Variants in LVRN observed in about 807,000 individuals in gnomAD.
LVRN encodes laeverin.
Under a neutral mutation model 111.4 loss-of-function variants are expected in LVRN, and 99 were observed. The ratio of observed to expected loss-of-function variants is 0.89; its 90% CI spans 0.76 to 1.05. The LOEUF (loss-of-function observed/expected upper bound fraction) is 1.05. LVRN is among the 50% of genes least tolerant of loss of function. The pLI, the probability that LVRN is intolerant of heterozygous loss-of-function variation, is 0.00. For missense variants in LVRN, 1,414 were observed against 1,206.8 expected (o/e 1.17, Z -2.54); for synonymous variants, 488 against 449.5 (o/e 1.09, Z -1.08).
chr5:115,975,203 C>T (rs543700201), intron 1 of LVRN: 1 of 482,094 alleles, frequency 2.1e-6, no homozygotes, highest in African/African-American at 2.0e-5. Flanking sequence ...GGGCGCACAT[C>T]TAACAAAATC....
chr5:115,991,559 C>G (rs1266222657), intron 4 of LVRN, among the ~76,000 whole-genome samples: 2 of 152,078 alleles, frequency 1.3e-5, no homozygotes, highest in Non-Finnish European at 2.9e-5. Context: ...TGGGTTAATT[C>G]CAAGGAATGT....
intron 5 of LVRN, among the ~76,000 whole-genome samples, chr5:115,993,106 T>G (rs181112704): frequency 6.6e-6 from 1 of 152,298 alleles, no homozygotes; most frequent in African/African-American, 2.4e-5. Context: ...ATTATAGCTG[T>G]TATAAGAATT....
intron 1 of LVRN, among the ~76,000 whole-genome samples, chr5:115,972,401 T>C (rs1753346558): frequency 6.6e-6 from 1 of 151,770 alleles, no homozygotes; most frequent in Non-Finnish European, 1.5e-5. Flanking sequence ...TTTCTAATTG[T>C]TGCTAATTAA....
chr5:116,014,644 C>T, intron 16 of LVRN, 117 bp downstream of exon 16: 1 of 765,516 alleles, frequency 1.3e-6, no homozygotes, highest in Admixed American at 2.5e-5. Flanking sequence ...TAGGCGCTCT[C>T]TCCTACTATT....
At chr5:116,003,193 A>G in intron 11 of LVRN, 48 bp from the exon 12 acceptor site, 1 of 1,486,926 alleles carries the variant, frequency 6.7e-7, no homozygotes, top group South Asian at 1.2e-5. Flanking sequence ...AGGTATTAAG[A>G]TCTTTTTTAA....
intron 1 of LVRN, among the ~76,000 whole-genome samples, chr5:115,973,863 A>G (rs987298625): frequency 6.6e-6 from 1 of 152,068 alleles, no homozygotes; most frequent in African/African-American, 2.4e-5. Flanking sequence ...CAGCTTTCAT[A>G]GGTTTCTTCT....
chr5:116,000,710 A>C (rs1258079780), intron 9 of LVRN, 52 bp downstream of exon 9: 2 of 1,580,236 alleles, frequency 1.3e-6, no homozygotes, highest in African/African-American at 2.7e-5. Context: ...TGTATGATAC[A>C]GGAAAAGACT....
At position 115,964,034 on chromosome 5, in the gene LVRN, C is replaced by T. The variant is rs115936946; in HGVS notation, c.695+722C>T. Among the ~76,000 whole-genome samples the T allele has an allele frequency of 2.7e-3, 409 of 152,366 alleles. 1 individual carries two copies. The highest frequency in any genetic ancestry group is 9.4e-3 in the African/African-American group (392 of 41,592). ...GAAATGCAGACATGTGTTCTTTTTA[C>T]ACTCATTTGAGATAATATCTCCTAC... On this transcript the variant is annotated intron_variant, in intron 1 of 19. Transcript: ENST00000357872.
In LVRN at chr5:116,026,049, A is replaced by G. The variant is rs913447806; in HGVS notation, c.2904A>G (p.Ile968Met). The G allele has an allele frequency of 3.1e-6, 5 of 1,613,834 alleles. No individual in the cohort carries two copies. The highest frequency in any genetic ancestry group is 1.3e-5 in the African/African-American group (1 of 74,920). ...RIRVHANLQT[I>M]KNENLKNKKL... ...GAGTTCATGCCAACTTACAGACAAT[A>G]AAGAATGAAAATCTGAAAAACAAGA... is the stretch of plus-strand genomic sequence containing the variant. Residue 968 changes from isoleucine to methionine, a missense_variant, in exon 20 of 20, where the codon ATA becomes ATG. Coordinates refer to ENST00000357872, the MANE Select transcript of LVRN (RefSeq NM_173800.5).
At chr5:116,008,708 A>C (rs1748428819) in intron 13 of LVRN, among the ~76,000 whole-genome samples, 1 of 152,214 alleles carries the variant, frequency 6.6e-6, no homozygotes, top group South Asian at 2.1e-4. Context: ...ACCAAAGCCT[A>C]ATCCAGAGCA....
chr5:115,962,509 G>C lies in LVRN; in HGVS notation c.-109G>C. 1 of 997,794 alleles carries C rather than the reference G, an allele frequency of 1.0e-6. No homozygotes were observed. The highest frequency in any genetic ancestry group is 2.5e-5 in the East Asian group (1 of 39,480). 61.8% of individuals were successfully genotyped at this position (997,794 alleles called of 1,614,324 possible). ...AGGCTCTTCCAGGAGGAAGAGGCAC[G>C]ATACAAGAGAGGAGGGGCAGGGGTC... On this transcript the variant is annotated 5_prime_UTR_variant, in exon 1 of 20. Coordinates refer to ENST00000357872, the MANE Select transcript of LVRN (RefSeq NM_173800.5).
chr5:116,020,378 T>G (rs2662465), intron 18 of LVRN, among the ~76,000 whole-genome samples: 44,950 of 152,002 alleles, frequency 0.3, 7,310 homozygotes, highest in African/African-American at 0.42. Context: ...CATTATTTGT[T>G]CCGTTATCAT....
chr5:116,017,741 A>G (rs1257172537), intron 18 of LVRN, among the ~76,000 whole-genome samples: 1 of 152,176 alleles, frequency 6.6e-6, no homozygotes, highest in East Asian at 1.9e-4. Context: ...ATAATTTAAT[A>G]ATGTGCTATT....
At chr5:115,975,046 G>T in intron 1 of LVRN, 1 of 331,092 alleles carries the variant, frequency 3.0e-6, no homozygotes, top group Admixed American at 3.7e-5. Context: ...CTTCCTCTGT[G>T]GTGATCATTA....
In LVRN at chr5:116,001,258, C is replaced by G. The variant is rs778888539; in HGVS notation, c.1820+19C>G. ...CCAGCAAGTAGGTAGCTTTGCTCCT[C>G]TTTGTCTTCACCTTCCTTGGGGTTG... On this transcript the variant is annotated intron_variant, in intron 10 of 19. Coordinates refer to ENST00000357872, the MANE Select transcript of LVRN (RefSeq NM_173800.5). 2 of 1,610,744 alleles carry G rather than the reference C, an allele frequency of 1.2e-6. No individual in the cohort carries two copies. The highest frequency in any genetic ancestry group is 2.7e-5 in the African/African-American group (2 of 74,746).
chr5:115,962,908 C>T lies in LVRN; in HGVS notation c.291C>T (p.Arg97=). 1 of 1,613,076 alleles carries T rather than the reference C, an allele frequency of 6.2e-7. No individual in the cohort carries two copies. Among genetic ancestry groups the T allele is most frequent in the African/African-American group, 1.3e-5 (1 of 75,044 alleles). The change falls in exon 1 of 20, where the codon CGC becomes CGT. Residue 97 remains arginine, a synonymous_variant. Transcript: ENST00000357872. Reference sequence around the variant, plus strand: ...CCCCGGGGCCCTGGGACCAGCTACGCCTGCCGCCCTGGCTCGTGCCGCTGC... The same window carrying T: ...CCCCGGGGCCCTGGGACCAGCTACGTCTGCCGCCCTGGCTCGTGCCGCTGC... ...WRPPGPWDQL[R]LPPWLVPLHY...
chr5:115,999,842 G>T lies in LVRN; in HGVS notation c.1455G>T (p.Lys485Asn), dbSNP rs374169658. 6.1e-5 allele frequency: 98 copies of T among 1,613,440 alleles called. No individual in the cohort carries two copies. The highest frequency in any genetic ancestry group is 7.2e-5 in the Non-Finnish European group (85 of 1,179,804). ...HALVTRAVAM[K>N]VENFKTSEIQ... The stretch of plus-strand genomic sequence containing the variant: ...TGGTGACTAGAGCTGTGGCCATGAA[G>T]GTGGAAAATTTCAAAACAAGTGAAA... The change falls in exon 7 of 20, where the codon AAG (lysine) becomes AAT (asparagine). Residue 485 changes from lysine (K) to asparagine (N), a missense_variant. Lys to Asn is a moderately conservative substitution (Grantham distance 94). Coordinates refer to ENST00000357872, the MANE Select transcript of LVRN (RefSeq NM_173800.5).
intron 18 of LVRN, chr5:116,021,689 T>C: frequency 2.2e-6 from 1 of 450,708 alleles, no homozygotes; most frequent in Non-Finnish European, 4.4e-6. Flanking sequence ...TTAATTTTTC[T>C]TTCCTTTTTA....
chr5:116,019,470 C>G (rs1482744326), intron 18 of LVRN, among the ~76,000 whole-genome samples: 1 of 152,228 alleles, frequency 6.6e-6, no homozygotes, highest in Non-Finnish European at 1.5e-5. Flanking sequence ...GTTGCACATT[C>G]TACGGGTGTT....
Sources: gnomAD v4.1 joint callset for allele counts (sites outside exome capture counted in the v4.1 genomes callset) on GRCh38, gnomAD v4.1.1 for gene constraint, MANE v1.5 for transcripts, NCBI Gene and HGNC (gene_info 2026-07-23, HGNC 2026-07-21) for gene names.